The following WWOX variants were observed in gnomAD, a reference collection of about 807,000 sequenced individuals.
WWOX encodes WW domain-containing oxidoreductase.
WWOX carries 69 observed loss-of-function variants against 46.2 expected under a neutral mutation model. The observed-to-expected ratio is 1.49, with a 90% CI of 1.23 to 1.82. The LOEUF (loss-of-function observed/expected upper bound fraction) is 1.82. Among genes scored for constraint, WWOX ranks in the 40% most tolerant of loss-of-function variants. The pLI is 0.00. For missense variants in WWOX, 919 were observed against 542.6 expected (o/e 1.69, Z -6.89); for synonymous variants, 359 against 202.6 (o/e 1.77, Z -6.56).
intron 8 of WWOX, among the ~76,000 whole-genome samples, chr16:78,676,259 A>G (rs924225541): frequency 7.2e-5 from 11 of 151,924 alleles, no homozygotes; most frequent in Non-Finnish European, 1.6e-4. Context: ...TCCGAAACAA[A>G]ACACAGAAAA....
intron 8 of WWOX, among the ~76,000 whole-genome samples, chr16:79,071,538 G>T (rs2048551246): frequency 6.6e-6 from 1 of 152,166 alleles, no homozygotes; most frequent in Non-Finnish European, 1.5e-5. Flanking sequence ...TTGTCTAGGA[G>T]AGCTGTTTCA....
chr16:78,430,588 G>A (rs2083193469), intron 7 of WWOX, among the ~76,000 whole-genome samples: 1 of 152,104 alleles, frequency 6.6e-6, no homozygotes, highest in Non-Finnish European at 1.5e-5. Context: ...ACAACCAGAA[G>A]AAGGCCGTCA....
chr16:78,559,437 G>C (rs1056392404), intron 8 of WWOX, among the ~76,000 whole-genome samples: 3 of 152,194 alleles, frequency 2.0e-5, no homozygotes, highest in African/African-American at 7.2e-5. Context: ...TCAAATTCTA[G>C]CATGAGACTG....
At chr16:78,139,214 A>T (rs2033902164) in intron 4 of WWOX, among the ~76,000 whole-genome samples, 1 of 152,222 alleles carries the variant, frequency 6.6e-6, no homozygotes, top group African/African-American at 2.4e-5. Context: ...GGAGAGAGAT[A>T]ATCCTAGCTT....
chr16:78,148,232 T>C (rs2034276109), intron 4 of WWOX, among the ~76,000 whole-genome samples: 1 of 152,186 alleles, frequency 6.6e-6, no homozygotes, highest in African/African-American at 2.4e-5. Flanking sequence ...AGAAACACTT[T>C]GGTTGTCTTA....
chr16:78,928,096 C>T (rs1335113287), intron 8 of WWOX, among the ~76,000 whole-genome samples: 2 of 151,870 alleles, frequency 1.3e-5, no homozygotes, highest in African/African-American at 4.8e-5. Context: ...CTTCAAAAGC[C>T]TTTTGTCCGT....
intron 4 of WWOX, among the ~76,000 whole-genome samples, chr16:78,136,471 C>T (rs759295874): frequency 8.6e-5 from 13 of 151,980 alleles, no homozygotes; most frequent in Non-Finnish European, 1.6e-4. Flanking sequence ...TGGATCTAGT[C>T]TTCATCATGG....
chr16:78,709,497 C>G (rs544393020), intron 8 of WWOX, among the ~76,000 whole-genome samples: 2 of 152,270 alleles, frequency 1.3e-5, no homozygotes, highest in South Asian at 2.1e-4. Context: ...ATCTCTGACA[C>G]AGGCCCTCTC....
intron 8 of WWOX, among the ~76,000 whole-genome samples, chr16:78,787,159 TAAAAC>T (rs1000590708): frequency 2.0e-5 from 3 of 151,996 alleles, no homozygotes; most frequent in Admixed American, 1.3e-4. Flanking sequence ...AAAACAAAAA[TAAAAC>T]AAACAAAACA....
chr16:79,048,563 C>G (rs1331555198), intron 8 of WWOX, among the ~76,000 whole-genome samples: 1 of 152,214 alleles, frequency 6.6e-6, no homozygotes, highest in East Asian at 1.9e-4. Context: ...AAATTATGCA[C>G]AGTGGGCCAT....
At chr16:78,819,990 A>C (rs2051448282) in intron 8 of WWOX, among the ~76,000 whole-genome samples, 1 of 152,140 alleles carries the variant, frequency 6.6e-6, no homozygotes, top group Non-Finnish European at 1.5e-5. Context: ...ACATCTGTAA[A>C]ATGGGGATGG....
At chr16:78,778,252 TC>T (rs2050240756) in intron 8 of WWOX, among the ~76,000 whole-genome samples, 1 of 152,034 alleles carries the variant, frequency 6.6e-6, no homozygotes, top group South Asian at 2.1e-4. Flanking sequence ...CCCCTGTGTC[TC>T]CTTTGTGGAG....
chr16:79,102,802 C>T (rs1156702617), intron 8 of WWOX, among the ~76,000 whole-genome samples: 1 of 152,190 alleles, frequency 6.6e-6, no homozygotes, highest in African/African-American at 2.4e-5. Flanking sequence ...TAGCTCACTC[C>T]TGCCAAAGGC....
At chr16:78,656,336 T>G (rs1163445861) in intron 8 of WWOX, among the ~76,000 whole-genome samples, 1 of 152,124 alleles carries the variant, frequency 6.6e-6, no homozygotes, top group African/African-American at 2.4e-5. Flanking sequence ...GGTGCCTGTA[T>G]TAGTCTGTTC....
intron 4 of WWOX, among the ~76,000 whole-genome samples, chr16:78,118,491 G>T (rs2032924991): frequency 6.6e-6 from 1 of 152,116 alleles, no homozygotes; most frequent in African/African-American, 2.4e-5. Flanking sequence ...CTGACCCACT[G>T]CCTGATTTTG....
At chr16:78,396,690 G>T (rs997783853) in intron 6 of WWOX, among the ~76,000 whole-genome samples, 1 of 152,108 alleles carries the variant, frequency 6.6e-6, no homozygotes, top group Non-Finnish European at 1.5e-5. Context: ...GACATTCGTC[G>T]GCAAAGTTTT....
chr16:79,127,475 T>C (rs1368075288), intron 8 of WWOX, among the ~76,000 whole-genome samples: 1 of 152,226 alleles, frequency 6.6e-6, no homozygotes, highest in African/African-American at 2.4e-5. Context: ...AGTATTACAC[T>C]GTGTGGATGT....
chr16:79,156,671 C>G (rs1477307634), intron 8 of WWOX, among the ~76,000 whole-genome samples: 1 of 151,746 alleles, frequency 6.6e-6, no homozygotes, highest in Non-Finnish European at 1.5e-5. Flanking sequence ...GAGGTAATTG[C>G]TCACAGATTT....
At chr16:78,835,791 A>G (rs2051964164) in intron 8 of WWOX, among the ~76,000 whole-genome samples, 2 of 152,260 alleles carry the variant, frequency 1.3e-5, no homozygotes, top group South Asian at 4.1e-4. Context: ...AATTGCTAGC[A>G]GACATCTAGA....
Sources: gnomAD v4.1 joint callset for allele counts (sites outside exome capture counted in the v4.1 genomes callset) on GRCh38, gnomAD v4.1.1 for gene constraint, MANE v1.5 for transcripts, NCBI Gene and HGNC (gene_info 2026-07-23, HGNC 2026-07-21) for gene names.